The following CFAP92 variants were observed in gnomAD, a reference collection of about 807,000 sequenced individuals.
The protein encoded by CFAP92 is uncharacterized protein CFAP92.
A neutral mutation model predicts 106.3 loss-of-function variants in CFAP92; 86 were observed. The ratio of observed to expected loss-of-function variants is 0.81; its 90% CI spans 0.68 to 0.97. The LOEUF is 0.97. Among genes scored for constraint, CFAP92 ranks in the 50% least tolerant of loss-of-function variants. CFAP92 has a pLI of 0.00. For missense variants in CFAP92, 1,204 were observed against 1,283.8 expected, an observed-to-expected ratio of 0.94 and a Z score of 0.95; for synonymous variants, 477 against 506.4, an observed-to-expected ratio of 0.94 and a Z score of 0.78.
chr3:128,927,687 G>C lies in CFAP92; in HGVS notation c.2751+5013C>G, dbSNP rs527263037. 2.4e-4 allele frequency among the ~76,000 whole-genome samples: 35 copies of C among 148,616 alleles called. No individual in the cohort carries two copies. The South Asian group carries it at 7.4e-3, about 31-fold the overall frequency. On this transcript the variant is annotated intron_variant, in intron 12 of 15. Transcript: ENST00000645291. ...TGCAGTGAGCGGAGATTGTGCCACT[G>C]CACTCCAGCCTGGGCGACTGAGCAA...
intron 9 of CFAP92, among the ~76,000 whole-genome samples, chr3:128,952,208 G>T (rs570398413): frequency 1.3e-5 from 2 of 148,572 alleles, no homozygotes; most frequent in African/African-American, 5.0e-5. Flanking sequence ...ATAGCTCACT[G>T]CAGCCTCAGC....
chr3:128,992,125 G>A (rs1282314087), intron 2 of CFAP92, among the ~76,000 whole-genome samples: 2 of 152,180 alleles, frequency 1.3e-5, no homozygotes, highest in Admixed American at 6.5e-5. Context: ...CTAGACCAGC[G>A]CCCAGCACCT....
At chr3:128,929,016 G>A (rs572259393) in intron 12 of CFAP92, among the ~76,000 whole-genome samples, 4 of 152,234 alleles carry the variant, frequency 2.6e-5, no homozygotes, top group South Asian at 2.1e-4. Context: ...CCAGCACTTC[G>A]GGAAGCCAAC....
chr3:128,949,049 A>G (rs1415035640), intron 9 of CFAP92, among the ~76,000 whole-genome samples: 1 of 152,224 alleles, frequency 6.6e-6, no homozygotes, highest in Non-Finnish European at 1.5e-5. Context: ...CTAAACTTAA[A>G]ATACTGACAA....
chr3:128,957,748 G>C (rs143278084), intron 9 of CFAP92, among the ~76,000 whole-genome samples: 69 of 152,264 alleles, frequency 4.5e-4, no homozygotes, highest in African/African-American at 1.6e-3. Context: ...TCCTGGAGTG[G>C]GGGAGAAGGC....
chr3:128,957,915 C>T (rs533282140), intron 9 of CFAP92, among the ~76,000 whole-genome samples: 1 of 152,274 alleles, frequency 6.6e-6, no homozygotes, highest in African/African-American at 2.4e-5. Flanking sequence ...GGCAGGGCCA[C>T]ATTTCCTCAG....
chr3:128,980,435 G>A (rs537067450), intron 4 of CFAP92, among the ~76,000 whole-genome samples: 8 of 151,742 alleles, frequency 5.3e-5, no homozygotes, highest in Admixed American at 5.3e-4. Flanking sequence ...TGCTGTGGGG[G>A]TCTTACCTCA....
At chr3:128,949,801 T>C (rs1186988268) in intron 9 of CFAP92, among the ~76,000 whole-genome samples, 2 of 152,166 alleles carry the variant, frequency 1.3e-5, no homozygotes, top group African/African-American at 4.8e-5. Flanking sequence ...ATTCTCCTGC[T>C]TCAGCCTCCT....
chr3:128,942,964 A>C (rs1410527008), intron 10 of CFAP92, among the ~76,000 whole-genome samples: 1 of 121,032 alleles, frequency 8.3e-6, no homozygotes, highest in Admixed American at 1.2e-4. Flanking sequence ...TCTGTCACCC[A>C]GGCTGGAGTG....
chr3:128,972,436 T>G (rs1010228040), intron 7 of CFAP92, among the ~76,000 whole-genome samples: 15 of 151,966 alleles, frequency 9.9e-5, no homozygotes, highest in African/African-American at 3.1e-4. Flanking sequence ...GAGATGAGGT[T>G]TCACCATGTT....
Position 128,910,000 on chromosome 3 carries a change from T to C in CFAP92, c.*299A>G, listed in dbSNP as rs1936085494. 6.2e-7 allele frequency: 1 copy of C among 1,612,328 alleles called. No individual in the cohort carries two copies. The highest frequency in any genetic ancestry group is 1.7e-5 in the Admixed American group (1 of 59,820). On this transcript the variant is annotated 3_prime_UTR_variant, in exon 16 of 16. Transcript: ENST00000645291. ...ACTGGTCTAGGTAGTGAGTCCCCAC[T>C]TGGAGCCTCTGTGATCCCAGACCAT...
At chr3:128,926,599 AT>A (rs1233760763) in intron 12 of CFAP92, among the ~76,000 whole-genome samples, 1 of 152,148 alleles carries the variant, frequency 6.6e-6, no homozygotes, top group East Asian at 1.9e-4. Flanking sequence ...ATTCTAGACA[AT>A]GCAAAGGGAG....
upstream of CFAP92, among the ~76,000 whole-genome samples, chr3:129,006,506 G>C (rs1020049201): frequency 1.3e-5 from 2 of 152,164 alleles, no homozygotes; most frequent in South Asian, 2.1e-4. Context: ...AGTAGAGATG[G>C]GGTTTCACCA....
rs1943115801 is a variant in CFAP92, at chr3:128,975,791, G to C, written c.1009C>G (p.Gln337Glu). 6.3e-7 allele frequency: 1 copy of C among 1,593,310 alleles called. No homozygotes were observed. Among genetic ancestry groups the C allele is most frequent in the Admixed American group, 1.8e-5 (1 of 56,742 alleles). Reference sequence around the variant, plus strand: ...TATCCTAACTTACTTTGAGACCTTTGTCTGTCTAATATGTTTGTTAAGCTG... The same window carrying C: ...TATCCTAACTTACTTTGAGACCTTTCTCTGTCTAATATGTTTGTTAAGCTG... ...LSSLTNILDR[Q>E]RSQIKGKDSE... is the part of the protein sequence containing the mutation. The change falls in exon 7 of 16, where the codon CAA (glutamine) becomes GAA (glutamate). Residue 337 changes from glutamine to glutamate, a missense_variant. Gln to Glu is a conservative substitution (Grantham distance 29, BLOSUM62 2). Transcript: ENST00000645291.
chr3:128,941,024 A>AAAT (rs1939567501), intron 10 of CFAP92, among the ~76,000 whole-genome samples: 1 of 152,190 alleles, frequency 6.6e-6, no homozygotes, highest in Non-Finnish European at 1.5e-5. Context: ...AGCCTTTAGA[A>AAAT]TATTGAGTCT....
intron 9 of CFAP92, among the ~76,000 whole-genome samples, chr3:128,953,695 C>T (rs1362531910): frequency 1.5e-5 from 2 of 129,372 alleles, no homozygotes; most frequent in Non-Finnish European, 3.1e-5. Flanking sequence ...GCTGCCATCT[C>T]GGCTCACTGC....
Position 129,001,380 on chromosome 3 carries a change from C to A in CFAP92, n.117+1194G>T, listed in dbSNP as rs115284404. Among the ~76,000 whole-genome samples the A allele has an allele frequency of 9.4e-3, 1,432 of 152,350 alleles. 10 individuals carry two copies. The highest frequency in any genetic ancestry group is 0.033 in the African/African-American group (1,363 of 41,584). On this transcript the variant is annotated intron_variant and non_coding_transcript_variant, in intron 1 of 4. Transcript: ENST00000510149. ...GGAGAAGCCAGACCCAGACGCCGAC[C>A]GGGCACTGGTGGCGCTGCCGGGGTC...
At chr3:128,943,834 G>C (rs1018571067) in intron 10 of CFAP92, among the ~76,000 whole-genome samples, 1 of 151,220 alleles carries the variant, frequency 6.6e-6, no homozygotes, top group South Asian at 2.1e-4. Context: ...ACCGTGCCTG[G>C]CTTTCATTTC....
In CFAP92 at chr3:128,945,087, C is replaced by T. The variant is rs1342310080; in HGVS notation, c.2242G>A (p.Glu748Lys). ...ACCACCTACCAGCTTTGGTGGTTCT[C>T]CCACAGCTGCCTCAAGCCTTGGTCG... ...LADQGLRQLW[E>K]NHQSWIPRSE... The change falls in exon 10 of 16, where the codon GAG (glutamate) becomes AAG (lysine). Residue 748 changes from glutamate to lysine, a missense_variant. Physicochemically the swap from Glu to Lys is moderately conservative, Grantham distance 56. Transcript: ENST00000645291. 6.5e-7 allele frequency: 1 copy of T among 1,526,798 alleles called. No homozygotes were observed. The highest frequency in any genetic ancestry group is 8.8e-7 in the Non-Finnish European group (1 of 1,141,058). The allele number at this position is 1,526,798 out of a possible 1,614,324, so 94.6% of individuals were successfully genotyped here. A position where few individuals can be genotyped will look rare whatever the true frequency, so the allele number is the denominator to read the frequency against.
Sources: gnomAD v4.1 joint callset for allele counts (sites outside exome capture counted in the v4.1 genomes callset) on GRCh38, gnomAD v4.1.1 for gene constraint, MANE v1.5 for transcripts, NCBI Gene and HGNC (gene_info 2026-07-23, HGNC 2026-07-21) for gene names.